Variants in EIF4B observed in about 807,000 individuals in gnomAD.
EIF4B encodes the protein eukaryotic translation initiation factor 4B.
Under a neutral mutation model 79.3 loss-of-function variants are expected in EIF4B, and 8 were observed. That is an observed-to-expected ratio of 0.10 (90% CI 0.06 to 0.18). EIF4B has a LOEUF of 0.18. Ranked by LOEUF, EIF4B falls within the 10% of genes least tolerant of loss-of-function variation. The probability of loss-of-function intolerance (pLI) is 1.00; values close to 1 mark genes in which losing one functional copy is unlikely to be tolerated. For missense variants in EIF4B, 515 were observed against 792.4 expected, an observed-to-expected ratio of 0.65 and a Z score of 4.20; for synonymous variants, 238 against 274.7, an observed-to-expected ratio of 0.87 and a Z score of 1.32.
At chr12:53,036,225 G>A (rs1943538784) in intron 10 of EIF4B, among the ~76,000 whole-genome samples, 1 of 152,054 alleles carries the variant, frequency 6.6e-6, no homozygotes, top group Admixed American at 6.6e-5. Context: ...TGATTCTCCT[G>A]CCCAAGCCTC....
chr12:53,012,319 CAG>C (rs66753380), intron 1 of EIF4B: 121,164 of 151,708 alleles, frequency 0.8, 50,700 homozygotes, highest in Non-Finnish European at 0.93. Flanking sequence ...CTTTGGGATA[CAG>C]AGGCGGGCAG....
At chr12:53,039,444 G>A (rs1943593006) in intron 13 of EIF4B, 101 bp downstream of exon 13, 5 of 1,246,270 alleles carry the variant, frequency 4.0e-6, no homozygotes, top group Non-Finnish European at 5.6e-6. Flanking sequence ...CGCTCATTGT[G>A]AGCAAACTAA....
rs535596761 is a variant in EIF4B, at chr12:53,041,577, T to G, written c.*1354T>G. On this transcript the variant is annotated 3_prime_UTR_variant, in exon 15 of 15. Coordinates refer to ENST00000262056, the MANE Select transcript of EIF4B (RefSeq NM_001417.7). ...AACTATTTAACAAGGTCCTGGTTTC[T>G]CTTGCAACACAGTAGCTAAACTTGC... 6.6e-6 allele frequency: 1 copy of G among 152,354 alleles called. No individual in the cohort carries two copies. The highest frequency in any genetic ancestry group is 1.9e-4 in the East Asian group (1 of 5,192). 9.4% of individuals were successfully genotyped at this position (152,354 alleles called of 1,614,324 possible). A position where few individuals can be genotyped will look rare whatever the true frequency, so the allele number is the denominator to read the frequency against.
intron 8 of EIF4B, among the ~76,000 whole-genome samples, chr12:53,028,962 C>G (rs1943387122): frequency 6.6e-6 from 1 of 152,006 alleles, no homozygotes; most frequent in Admixed American, 6.6e-5. Context: ...CCCGTCTGTA[C>G]TAAAAATACA....
Position 53,034,721 on chromosome 12 carries a change from C to T in EIF4B, c.1306+12C>T. On this transcript the variant is annotated intron_variant, in intron 10 of 14. Coordinates refer to ENST00000262056, the MANE Select transcript of EIF4B (RefSeq NM_001417.7). ...CACATCTAGCAGAAGTAAGTCAGAC[C>T]AGGGTGGGTATCGTGTTATTGCCGT... The T allele has an allele frequency of 1.2e-6, 2 of 1,613,962 alleles. No individual in the cohort carries two copies. Among genetic ancestry groups the T allele is most frequent in the Non-Finnish European group, 1.7e-6 (2 of 1,179,880 alleles).
intron 11 of EIF4B, 132 bp from the exon 12 acceptor site, chr12:53,038,224 T>C: frequency 4.4e-6 from 3 of 676,468 alleles, no homozygotes; most frequent in Non-Finnish European, 7.1e-6. Flanking sequence ...TCCCATATTT[T>C]AATGTTCCAT....
intron 6 of EIF4B, among the ~76,000 whole-genome samples, chr12:53,026,464 A>C (rs1355940086): frequency 6.6e-6 from 1 of 152,248 alleles, no homozygotes; most frequent in African/African-American, 2.4e-5. Flanking sequence ...GTCTTTGTAC[A>C]TGTATCTTTA....
In EIF4B at chr12:53,039,724, C is replaced by T. The variant is rs576028825; in HGVS notation, c.1755+22C>T. The T allele has an allele frequency of 1.1e-5, 17 of 1,602,686 alleles. No individual in the cohort carries two copies. The East Asian group carries it at 2.7e-4, about 25-fold the overall frequency. ...TTCCGTAAGTGTTGAAGGCTGCTCC[C>T]AATTTTTCATTCTAAGAAAAATTCT... is the stretch of plus-strand genomic sequence containing the variant. On this transcript the variant is annotated intron_variant, in intron 14 of 14. Coordinates refer to ENST00000262056, the MANE Select transcript of EIF4B (RefSeq NM_001417.7).
In EIF4B at chr12:53,038,371, A is replaced by G. The variant is rs764932076; in HGVS notation, c.1536A>G (p.Val512=). ...TTCCTTCTAGTGGTGGGGGAAAAGTAGCTCCAGCTCAACCATCTGAGGAAG... is the reference window on the plus strand; with the variant it reads ...TTCCTTCTAGTGGTGGGGGAAAAGTGGCTCCAGCTCAACCATCTGAGGAAG... ...QQSPTSGGGK[V]APAQPSEEGP... Residue 512 remains valine (V), a synonymous_variant, in exon 12 of 15, where the codon GTA becomes GTG. Coordinates refer to ENST00000262056, the MANE Select transcript of EIF4B (RefSeq NM_001417.7). 3.8e-6 allele frequency: 6 copies of G among 1,598,050 alleles called. No individual in the cohort carries two copies. The highest frequency in any genetic ancestry group is 1.1e-5 in the South Asian group (1 of 88,550).
chr12:53,022,730 G>A (rs1271466402), intron 6 of EIF4B, 103 bp downstream of exon 6: 5 of 1,358,978 alleles, frequency 3.7e-6, no homozygotes, highest in South Asian at 2.1e-5. Context: ...ACAGATAGAA[G>A]GAGGAAAGCA....
Position 53,009,509 on chromosome 12 carries a change from AAAAC to A in EIF4B, c.13+3018_13+3021del, listed in dbSNP as rs1329650690. ...GACTCCGTCTCAAAAAAAAAAAACAAAAACAAACTTTAAAATTGGAAATAACATA... is the reference window on the plus strand; with the variant it reads ...GACTCCGTCTCAAAAAAAAAAAACAAAAACTTTAAAATTGGAAATAACATA... On this transcript the variant is annotated intron_variant, in intron 1 of 14. Transcript: ENST00000262056. Among the ~76,000 whole-genome samples, 13 of 152,280 alleles carry A rather than the reference AAAAC, an allele frequency of 8.5e-5. 1 individual carries two copies. Among genetic ancestry groups the A allele is most frequent in the South Asian group, 4.1e-4 (2 of 4,824 alleles).
rs550716483 is a variant in EIF4B, at chr12:53,027,706, T to G, written c.668-76T>G. 10 of 1,510,068 alleles carry G rather than the reference T, an allele frequency of 6.6e-6. No homozygotes were observed. In the South Asian group the frequency reaches 1.2e-4, roughly 18 times the overall value. The allele number at this position is 1,510,068 out of a possible 1,614,324, so 93.5% of individuals were successfully genotyped here. On this transcript the variant is annotated intron_variant, in intron 6 of 14. Coordinates refer to ENST00000262056, the MANE Select transcript of EIF4B (RefSeq NM_001417.7). ...TTTAAATAAACAGATTCTTCCAAAT[T>G]GGACTGATAGCTTACCGTGTTTCTA...
At position 53,018,987 on chromosome 12, in the gene EIF4B, A is replaced by T; in HGVS notation, c.341A>T (p.Glu114Val). Residue 114 changes from glutamate (E) to valine (V), a missense_variant, in exon 3 of 15, where the codon GAA becomes GTA. By Grantham distance (121) the Glu-to-Val change is moderately radical. Around this residue, in one of 6 missense-constraint regions of EIF4B, gnomAD observed 105 missense variants for 177.2 expected, o/e 0.59. Coordinates refer to ENST00000262056, the MANE Select transcript of EIF4B (RefSeq NM_001417.7). ...GATGTTACAGAAGAGTCAATTAAGGAATTCTTTCGAGGATTAAATGTAAGT... is the reference window on the plus strand; with the variant it reads ...GATGTTACAGAAGAGTCAATTAAGGTATTCTTTCGAGGATTAAATGTAAGT... Reference protein sequence around the residue: ...PYDVTEESIKEFFRGLNISAV... With the variant: ...PYDVTEESIKVFFRGLNISAV... The T allele has an allele frequency of 6.2e-7, 1 of 1,613,862 alleles. No homozygotes were observed.
intron 8 of EIF4B, among the ~76,000 whole-genome samples, chr12:53,032,310 CA>C (rs1943460332): frequency 6.6e-6 from 1 of 152,084 alleles, no homozygotes; most frequent in Non-Finnish European, 1.5e-5. Context: ...GGCATGGTGC[CA>C]CGTGCCTATA....
chr12:53,035,061 T>G (rs1428734235), intron 10 of EIF4B, among the ~76,000 whole-genome samples: 2 of 151,346 alleles, frequency 1.3e-5, no homozygotes. Context: ...ATGTGAGCTG[T>G]CCCAAGACCA....
At chr12:53,008,693 A>G (rs1219584813) in intron 1 of EIF4B, 1 of 152,202 alleles carries the variant, frequency 6.6e-6, no homozygotes, top group Non-Finnish European at 1.5e-5. Context: ...ATTCCTAGAA[A>G]CTTGATACAT....
At chr12:53,039,910 C>T (rs1943602599) in intron 14 of EIF4B, 4 of 748,376 alleles carry the variant, frequency 5.3e-6, no homozygotes, top group Non-Finnish European at 8.6e-6. Flanking sequence ...TTTCTGTCTT[C>T]CTTTGTTCTC....
intron 1 of EIF4B, 132 bp from the exon 2 acceptor site, chr12:53,016,341 A>G (rs1006424873): frequency 8.3e-7 from 1 of 1,207,822 alleles, no homozygotes; most frequent in Non-Finnish European, 1.1e-6. Context: ...CCTTCATGGA[A>G]ATGCCATAAT....
In EIF4B at chr12:53,030,413, C is replaced by CTTTTTTTTTTTTTTTTTTTT. The variant is rs759061266; in HGVS notation, c.979+2231_979+2250dup. On this transcript the variant is annotated intron_variant, in intron 8 of 14. Transcript: ENST00000262056. ...GAAATAGGTTTTAAAAAATTATATT[C>CTTTTTTTTTTTTTTTTTTTT]TTTTTTTTTTTTTTTTTTTTTTTTT... 6.5e-3 allele frequency among the ~76,000 whole-genome samples: 282 copies of CTTTTTTTTTTTTTTTTTTTT among 43,056 alleles called. 76 individuals carry two copies. Among genetic ancestry groups the CTTTTTTTTTTTTTTTTTTTT allele is most frequent in the Middle Eastern group, 0.02 (1 of 50 alleles). 28.2% of individuals were successfully genotyped at this position (43,056 alleles called of 152,430 possible). A position where few individuals can be genotyped will look rare whatever the true frequency, so the allele number is the denominator to read the frequency against.
Sources: allele counts gnomAD v4.1 joint callset (sites outside exome capture counted in the v4.1 genomes callset), GRCh38; gene constraint gnomAD v4.1.1; regional missense constraint gnomAD v4.1.1; transcripts MANE v1.5; gene names NCBI Gene and HGNC (gene_info 2026-07-23, HGNC 2026-07-21).